The following RANBP2 variants were observed in gnomAD, a reference collection of about 807,000 sequenced individuals.
The protein encoded by RANBP2 is RAN binding protein 2, also known as E3 SUMO-protein ligase RanBP2.
A neutral mutation model predicts 303.6 loss-of-function variants in RANBP2; 57 were observed. The ratio of observed to expected loss-of-function variants is 0.19; its 90% CI spans 0.15 to 0.23. The LOEUF is 0.23. Ranked by LOEUF, RANBP2 falls within the 10% of genes least tolerant of loss-of-function variation. The pLI is 1.00. For missense variants in RANBP2, 3,138 were observed against 3,780.8 expected, an observed-to-expected ratio of 0.83 and a Z score of 4.46; for synonymous variants, 1,167 against 1,301.5, an observed-to-expected ratio of 0.90 and a Z score of 2.23.
the RANBP2 span, among the ~76,000 whole-genome samples, chr2:109,117,854 C>A: frequency 4.6e-5 from 7 of 152,202 alleles, no homozygotes; most frequent in Non-Finnish European, 7.3e-5. Flanking sequence ...TAAAACCTTG[C>A]CCACACTCAT....
At chr2:109,299,151 C>G in the RANBP2 span, among the ~76,000 whole-genome samples, 3 of 152,242 alleles carry the variant, frequency 2.0e-5, no homozygotes, top group African/African-American at 7.2e-5. Flanking sequence ...TGGGTGTTGC[C>G]TCCATGCCAC....
chr2:108,828,244 G>A, the RANBP2 span, among the ~76,000 whole-genome samples: 1,921 of 152,110 alleles, frequency 0.013, 38 homozygotes, highest in African/African-American at 0.044. Context: ...TATCAAATAC[G>A]AGAACAAGGA....
At chr2:109,460,626 C>A in the RANBP2 span, among the ~76,000 whole-genome samples, 1 of 152,218 alleles carries the variant, frequency 6.6e-6, no homozygotes, top group African/African-American at 2.4e-5. Context: ...TGAGGTCACC[C>A]TTTGGTGAGC....
chr2:109,034,394 G>A, the RANBP2 span, among the ~76,000 whole-genome samples: 1 of 152,120 alleles, frequency 6.6e-6, no homozygotes, highest in Non-Finnish European at 1.5e-5. Context: ...GAGGCCCCAG[G>A]GCCATGCCCC....
the RANBP2 span, chr2:108,896,842 C>T: frequency 2.0e-6 from 3 of 1,515,622 alleles, no homozygotes; most frequent in Middle Eastern, 2.0e-4. Flanking sequence ...TGGCACCACT[C>T]ACAGCTCCAG....
At chr2:109,654,525 C>T in the RANBP2 span, among the ~76,000 whole-genome samples, 1 of 151,986 alleles carries the variant, frequency 6.6e-6, no homozygotes, top group Non-Finnish European at 1.5e-5. Flanking sequence ...CTGCCATACG[C>T]CTCATTACTA....
the RANBP2 span, among the ~76,000 whole-genome samples, chr2:109,337,934 G>A: frequency 0.12 from 17,693 of 151,720 alleles, 1,228 homozygotes; most frequent in East Asian, 0.24. Flanking sequence ...ATTTTGCCAC[G>A]TTACCCCGGC....
chr2:108,982,637 G>A, the RANBP2 span, among the ~76,000 whole-genome samples: 1 of 152,210 alleles, frequency 6.6e-6, no homozygotes, highest in Admixed American at 6.5e-5. Context: ...AAGTCAGAGT[G>A]CTGTGTGTGG....
chr2:109,739,415 T>C, the RANBP2 span, among the ~76,000 whole-genome samples: 2 of 151,674 alleles, frequency 1.3e-5, no homozygotes, highest in Admixed American at 1.3e-4. Flanking sequence ...CTTCAATTTC[T>C]TGCATGAGTT....
the RANBP2 span, among the ~76,000 whole-genome samples, chr2:109,538,852 A>G: frequency 3.3e-5 from 5 of 152,222 alleles, no homozygotes; most frequent in Non-Finnish European, 4.4e-5. Context: ...TTCTATTCTT[A>G]TATTAACACA....
chr2:109,202,289 C>T, the RANBP2 span, among the ~76,000 whole-genome samples: 1 of 152,190 alleles, frequency 6.6e-6, no homozygotes, highest in Non-Finnish European at 1.5e-5. Context: ...TCGGCAGCGT[C>T]TGGACCCCCT....
Position 108,782,739 on chromosome 2 carries a change from G to T in RANBP2, c.9246G>T (p.Met3082Ile). Reference protein sequence around the residue: ...ADGEPLGRITMELFSNIVPRT... With the variant: ...ADGEPLGRITIELFSNIVPRT... ...GTGAACCTCTAGGGCGGATAACTATGGAATTATTTTCAAACATTGTTCCTC... is the reference window on the plus strand; with the variant it reads ...GTGAACCTCTAGGGCGGATAACTATTGAATTATTTTCAAACATTGTTCCTC... Residue 3082 changes from methionine to isoleucine, a missense_variant, in exon 28 of 29, where the codon ATG (methionine) becomes ATT (isoleucine). Coordinates refer to ENST00000283195, the MANE Select transcript of RANBP2 (RefSeq NM_006267.5). 6.2e-7 allele frequency: 1 copy of T among 1,614,186 alleles called. No homozygotes were observed. Among genetic ancestry groups the T allele is most frequent in the Non-Finnish European group, 8.5e-7 (1 of 1,180,034 alleles).
At chr2:109,275,161 A>G in the RANBP2 span, among the ~76,000 whole-genome samples, 1 of 152,110 alleles carries the variant, frequency 6.6e-6, no homozygotes, top group Non-Finnish European at 1.5e-5. Flanking sequence ...TTGACCTTTC[A>G]TGAAGCTTTG....
chr2:109,513,340 A>G, the RANBP2 span, among the ~76,000 whole-genome samples: 2 of 151,430 alleles, frequency 1.3e-5, no homozygotes, highest in Non-Finnish European at 2.9e-5. Flanking sequence ...CACCTCACAC[A>G]TGTACACATG....
At chr2:109,089,442 T>A in the RANBP2 span, among the ~76,000 whole-genome samples, 40 of 143,554 alleles carry the variant, frequency 2.8e-4, no homozygotes, top group African/African-American at 7.9e-4. Context: ...CATCTCTATT[T>A]AAAAAAAAAA....
chr2:109,272,425 C>T, the RANBP2 span, among the ~76,000 whole-genome samples: 2 of 152,228 alleles, frequency 1.3e-5, no homozygotes, highest in Non-Finnish European at 2.9e-5. Flanking sequence ...GCTGTCTGCA[C>T]AGACCCACCA....
At chr2:109,268,944 T>C in the RANBP2 span, among the ~76,000 whole-genome samples, 1 of 152,206 alleles carries the variant, frequency 6.6e-6, no homozygotes, top group Non-Finnish European at 1.5e-5. Flanking sequence ...AGCATCTGTA[T>C]CTTTTTCCGT....
At chr2:109,295,417 A>G in the RANBP2 span, among the ~76,000 whole-genome samples, 6 of 152,222 alleles carry the variant, frequency 3.9e-5, no homozygotes, top group African/African-American at 1.4e-4. Flanking sequence ...TTCAGTGTCT[A>G]AAGAACTCAG....
At chr2:109,359,483 A>G in the RANBP2 span, among the ~76,000 whole-genome samples, 1 of 152,200 alleles carries the variant, frequency 6.6e-6, no homozygotes. Context: ...CATCTTGCAC[A>G]TATTTTGTTA....
Sources: gnomAD v4.1 joint callset for allele counts (sites outside exome capture counted in the v4.1 genomes callset) on GRCh38, gnomAD v4.1.1 for gene constraint, MANE v1.5 for transcripts, NCBI Gene and HGNC (gene_info 2026-07-23, HGNC 2026-07-21) for gene names.